Variants in ADAMTS7 observed in about 807,000 individuals in gnomAD.
The protein encoded by ADAMTS7 is A disintegrin and metalloproteinase with thrombospondin motifs 7.
ADAMTS7 carries 89 observed loss-of-function variants against 172.6 expected under a neutral mutation model. The observed-to-expected ratio is 0.52, with a 90% CI of 0.43 to 0.61. The LOEUF (loss-of-function observed/expected upper bound fraction) is 0.61. Ranked by LOEUF, ADAMTS7 falls within the 20% of genes least tolerant of loss-of-function variation. The pLI is 0.00. For synonymous variants in ADAMTS7, 885 were observed against 978.4 expected (o/e 0.90, Z 1.78); for missense variants, 1,973 against 2,355.6 (o/e 0.84, Z 3.36).
chr15:78,783,569 C>T lies in ADAMTS7; in HGVS notation c.1322+4662G>A, dbSNP rs1442270060. 5.3e-5 allele frequency among the ~76,000 whole-genome samples: 8 copies of T among 152,040 alleles called. No individual in the cohort carries two copies. In the East Asian group the frequency reaches 9.6e-4, roughly 18 times the overall value. ...CTGGGATTACAGGCGTGAGCCACCACGCCTGGCCAAGGAAACTGTTAACAT... is the reference window on the plus strand; with the variant it reads ...CTGGGATTACAGGCGTGAGCCACCATGCCTGGCCAAGGAAACTGTTAACAT... On this transcript the variant is annotated intron_variant, in intron 8 of 23. Coordinates refer to ENST00000388820, the MANE Select transcript of ADAMTS7 (RefSeq NM_014272.5).
chr15:78,810,813 C>A, intron 1 of ADAMTS7: 1 of 266,168 alleles, frequency 3.8e-6, no homozygotes. Context: ...TCCCGGGAGC[C>A]AGGCGCGTTG....
chr15:78,760,410 AAGG>A (rs949121849), intron 23 of ADAMTS7, among the ~76,000 whole-genome samples: 3 of 152,130 alleles, frequency 2.0e-5, no homozygotes, highest in Non-Finnish European at 4.4e-5. Flanking sequence ...GAGGAGCAGG[AAGG>A]CAGCAGCCAG....
chr15:78,768,275 C>T lies in ADAMTS7; in HGVS notation c.2519-16G>A. ...CTCTGCACACCTAGGGGCCACGGGG[C>T]TCAGCCTGGGACTGGCACCCAGGTG... On this transcript the variant is annotated splice_polypyrimidine_tract_variant and intron_variant, in intron 16 of 23. Coordinates refer to ENST00000388820, the MANE Select transcript of ADAMTS7 (RefSeq NM_014272.5). 1.2e-6 allele frequency: 2 copies of T among 1,610,250 alleles called. No homozygotes were observed. The highest frequency in any genetic ancestry group is 1.7e-6 in the Non-Finnish European group (2 of 1,179,398).
chr15:78,800,377 G>A lies in ADAMTS7; in HGVS notation c.271C>T (p.Leu91=), dbSNP rs763641916. The change falls in exon 2 of 24, where the codon CTG becomes TTG. Residue 91 remains leucine (L), a synonymous_variant. Transcript: ENST00000388820. ...TGATTGGCGGTCAGGTTGAAGCGCA[G>A]CTCGCGCCCGCGGTATTGTAGCTCG... ...FYELQYRGRE[L]RFNLTANQHL... The A allele has an allele frequency of 6.2e-7, 1 of 1,606,516 alleles. No homozygotes were observed. The highest frequency in any genetic ancestry group is 8.5e-7 in the Non-Finnish European group (1 of 1,177,154).
In ADAMTS7 at chr15:78,776,274, G is replaced by A. The variant is rs375965016; in HGVS notation, c.1620C>T (p.Gly540=). ...VGFRPEAVDG[G]WSGWSAWSIC... Reference sequence around the variant, plus strand: ...TGGACCAGGCGCTCCAGCCAGACCAGCCACCATCCACGGCCTCGGGCCGGA... The same window carrying A: ...TGGACCAGGCGCTCCAGCCAGACCAACCACCATCCACGGCCTCGGGCCGGA... Residue 540 remains glycine (G), a synonymous_variant, in exon 11 of 24, where the codon GGC becomes GGT. Coordinates refer to ENST00000388820, the MANE Select transcript of ADAMTS7 (RefSeq NM_014272.5). The A allele has an allele frequency of 1.2e-6, 2 of 1,611,824 alleles. No individual in the cohort carries two copies. Among genetic ancestry groups the A allele is most frequent in the Non-Finnish European group, 1.7e-6 (2 of 1,179,862 alleles).
rs1161172830 is a variant in ADAMTS7 at position 78,765,920 on chromosome 15, C to T, written c.3991G>A (p.Ala1331Thr). The T allele has an allele frequency of 6.3e-7, 1 of 1,583,032 alleles. No homozygotes were observed. The highest frequency in any genetic ancestry group is 1.3e-5 in the African/African-American group (1 of 74,368). ...GPGSWDLQTV[A>T]VWGTFLPTTL... The stretch of plus-strand genomic sequence containing the variant: ...GTGGGGAGGAAGGTCCCCCACACTG[C>T]CACAGTCTGCAGGTCCCATGAGCCT... Residue 1331 changes from alanine (A) to threonine (T), a missense_variant, in exon 19 of 24, where the codon GCA (alanine) becomes ACA (threonine). By Grantham distance (58) the Ala-to-Thr change is moderately conservative. Around this residue, in one of 8 missense-constraint regions of ADAMTS7, gnomAD observed 771 missense variants for 952.6 expected, o/e 0.81. Coordinates refer to ENST00000388820, the MANE Select transcript of ADAMTS7 (RefSeq NM_014272.5).
rs558614673 is a variant in ADAMTS7 at position 78,774,089 on chromosome 15, C to T, written c.2010+78G>A. ...ATGGCCCGAGGAGGATCAGGAGGGA[C>T]CCAGGAGAGAACCTGGGGCCTGCCA... On this transcript the variant is annotated intron_variant, in intron 13 of 23. Transcript: ENST00000388820. 4 of 1,557,878 alleles carry T rather than the reference C, an allele frequency of 2.6e-6. No individual in the cohort carries two copies. The Admixed American group carries it at 7.3e-5, about 29-fold the overall frequency.
chr15:78,778,453 G>A (rs1474113319), intron 8 of ADAMTS7, among the ~76,000 whole-genome samples: 4 of 152,188 alleles, frequency 2.6e-5, no homozygotes, highest in Admixed American at 2.0e-4. Flanking sequence ...TGGACCTTAG[G>A]TGGCCACCAC....
Position 78,771,173 on chromosome 15 carries a change from G to T in ADAMTS7, c.2507C>A (p.Thr836Asn). 2 of 1,609,358 alleles carry T rather than the reference G, an allele frequency of 1.2e-6. No homozygotes were observed. The highest frequency in any genetic ancestry group is 1.7e-6 in the Non-Finnish European group (2 of 1,178,420). ...HYGPWTKCTV[T>N]CGRGVQRQNV... ...GCCCCACTTCTCACCTCTGCCGCAGGTGACTGTGCACTTGGTCCAGGGCCC... is the reference window on the plus strand; with the variant it reads ...GCCCCACTTCTCACCTCTGCCGCAGTTGACTGTGCACTTGGTCCAGGGCCC... The change falls in exon 16 of 24, where the codon ACC becomes AAC. Residue 836 changes from threonine (T) to asparagine (N), a missense_variant. Transcript: ENST00000388820. This position sits in a 1 kb window ranked among gnomAD's most constrained non-coding sequence, Gnocchi z 4.9.
rs746551096 is a variant in ADAMTS7 at position 78,777,587 on chromosome 15, G to A, written c.1324C>T (p.Arg442Cys). ...TCGTCCAGGCACAGGCCCCACCCAC[G>A]GCTAAAGATGGGACGGGAGGATGGA... ...SRQYITRFLD[R>C]GWGLCLDDPP... The change falls in exon 9 of 24, where the codon CGT becomes TGT. Residue 442 changes from arginine (R) to cysteine (C), a missense_variant and splice_region_variant. Transcript: ENST00000388820. The A allele has an allele frequency of 3.1e-5, 49 of 1,603,216 alleles. No individual in the cohort carries two copies. The South Asian group carries it at 4.5e-4, about 15-fold the overall frequency.
chr15:78,776,297 G>T lies in ADAMTS7; in HGVS notation c.1597C>A (p.Arg533=), dbSNP rs745963439. Reference sequence around the variant, plus strand: ...CAGCCACCATCCACGGCCTCGGGCCGGAAGCCCACGGGTACGCACTCCCCA... The same window carrying T: ...CAGCCACCATCCACGGCCTCGGGCCTGAAGCCCACGGGTACGCACTCCCCA... The part of the protein sequence containing the change: ...LSGECVPVGF[R]PEAVDGGWSG... Residue 533 remains arginine, a synonymous_variant, in exon 11 of 24, where the codon CGG becomes AGG. Coordinates refer to ENST00000388820, the MANE Select transcript of ADAMTS7 (RefSeq NM_014272.5). The T allele has an allele frequency of 1.2e-6, 2 of 1,611,904 alleles. No individual in the cohort carries two copies. The highest frequency in any genetic ancestry group is 1.1e-5 in the South Asian group (1 of 90,992).
At chr15:78,795,796 A>C (rs2055635429) in intron 4 of ADAMTS7, among the ~76,000 whole-genome samples, 1 of 152,214 alleles carries the variant, frequency 6.6e-6, no homozygotes, top group Admixed American at 6.5e-5. Flanking sequence ...TTGGAGCCTG[A>C]GGCCTCCACG....
rs560583657 is a variant in ADAMTS7, at chr15:78,776,313, G to T, written c.1581C>A (p.Cys527Ter). The change falls in exon 11 of 24, where the codon TGC (cysteine) becomes TGA (stop). Residue 527 changes from cysteine to a stop codon, truncating the protein, a stop_gained. Coordinates refer to ENST00000388820, the MANE Select transcript of ADAMTS7 (RefSeq NM_014272.5). LOFTEE classifies it high-confidence loss of function. ...GENKWCLSGE[C>*]VPVGFRPEAV... ...CCTCGGGCCGGAAGCCCACGGGTAC[G>T]CACTCCCCACTGAGACACCACTACT... is the stretch of plus-strand genomic sequence containing the variant. 6.2e-7 allele frequency: 1 copy of T among 1,611,592 alleles called. No homozygotes were observed. The highest frequency in any genetic ancestry group is 1.3e-5 in the African/African-American group (1 of 74,874).
At chr15:78,776,445 T>C (rs1166175419) in intron 10 of ADAMTS7, 112 bp from the exon 11 acceptor site, 2 of 1,437,378 alleles carry the variant, frequency 1.4e-6, no homozygotes, top group East Asian at 2.3e-5. Flanking sequence ...AGGGGAAGGA[T>C]GGAAGGTGAG....
chr15:78,787,692 AC>A (rs2055522895), intron 8 of ADAMTS7, among the ~76,000 whole-genome samples: 1 of 151,970 alleles, frequency 6.6e-6, no homozygotes, highest in Non-Finnish European at 1.5e-5. Flanking sequence ...AACAACAAAA[AC>A]ACCAGAACAA....
At chr15:78,810,981 C>T in intron 1 of ADAMTS7, 140 bp downstream of exon 1, 1 of 952,500 alleles carries the variant, frequency 1.0e-6, no homozygotes, top group Non-Finnish European at 1.4e-6. Context: ...CCCCTAATAC[C>T]CAGGGAGCGG....
At chr15:78,761,987 A>G (rs1430805971) in intron 23 of ADAMTS7, 1 of 985,296 alleles carries the variant, frequency 1.0e-6, no homozygotes, top group African/African-American at 1.7e-5. Context: ...TCCTCTAGCC[A>G]GGGAATGGAC....
chr15:78,778,503 C>G (rs778547082), intron 8 of ADAMTS7, among the ~76,000 whole-genome samples: 7 of 152,214 alleles, frequency 4.6e-5, no homozygotes, highest in Non-Finnish European at 1.0e-4. Context: ...TGCTGACCAC[C>G]CTGCCCATGG....
At position 78,776,265 on chromosome 15, in the gene ADAMTS7, G is replaced by T; in HGVS notation, c.1629C>A (p.Gly543=). The T allele has an allele frequency of 6.2e-7, 1 of 1,611,798 alleles. No individual in the cohort carries two copies. The highest frequency in any genetic ancestry group is 8.5e-7 in the Non-Finnish European group (1 of 1,179,846). ...RPEAVDGGWS[G]WSAWSICSRS... ...GTGAGCAGATGGACCAGGCGCTCCA[G>T]CCAGACCAGCCACCATCCACGGCCT... The change falls in exon 11 of 24, where the codon GGC becomes GGA. Residue 543 remains glycine (G), a synonymous_variant. Transcript: ENST00000388820.
Sources: allele counts gnomAD v4.1 joint callset (sites outside exome capture counted in the v4.1 genomes callset), GRCh38; gene constraint gnomAD v4.1.1; regional missense constraint gnomAD v4.1.1; non-coding constraint Gnocchi (gnomAD v3.1); transcripts MANE v1.5; gene names NCBI Gene and HGNC (gene_info 2026-07-23, HGNC 2026-07-21).